ACYP2: variants seen among roughly 807,000 people sequenced by gnomAD.
The protein encoded by ACYP2 is acylphosphatase-2.
In ACYP2, 12 loss-of-function variants were observed where a neutral mutation model predicts 11.2. That is an observed-to-expected ratio of 1.08 (90% CI 0.69 to 1.74). The LOEUF is 1.74. ACYP2 is among the 40% of genes most tolerant of loss of function. The pLI is 0.00. For missense variants in ACYP2, 134 were observed against 101.9 expected (o/e 1.31, Z -1.35); for synonymous variants, 43 against 32.2 (o/e 1.33, Z -1.13).
At chr2:54,129,372 A>G (rs1276717272) in intron 4 of ACYP2, among the ~76,000 whole-genome samples, 5 of 152,124 alleles carry the variant, frequency 3.3e-5, no homozygotes, top group Admixed American at 6.6e-5. Context: ...GGCTCAATCA[A>G]TCCTCCTGCC....
chr2:54,248,226 C>A (rs1461724718), intron 6 of ACYP2, among the ~76,000 whole-genome samples: 1 of 152,182 alleles, frequency 6.6e-6, no homozygotes, highest in African/African-American at 2.4e-5. Flanking sequence ...ATTATTTGGG[C>A]AACCATGTCC....
intron 6 of ACYP2, chr2:54,143,197 T>A (rs1681697897): frequency 6.6e-6 from 1 of 152,232 alleles, no homozygotes; most frequent in South Asian, 2.1e-4. Context: ...CAGGCATGCC[T>A]GTTTGGTTTC....
At chr2:54,188,330 A>G (rs1022711443) in intron 6 of ACYP2, among the ~76,000 whole-genome samples, 1 of 152,202 alleles carries the variant, frequency 6.6e-6, no homozygotes, top group African/African-American at 2.4e-5. Context: ...GGATACATAC[A>G]CAGAAACTCA....
chr2:54,045,355 C>G (rs1675458449), intron 2 of ACYP2, among the ~76,000 whole-genome samples: 1 of 152,230 alleles, frequency 6.6e-6, no homozygotes, highest in Admixed American at 6.5e-5. Flanking sequence ...AATTCTTTCT[C>G]TGCTGCAAAC....
chr2:54,201,680 T>TTCTTTCTTTCTTTCTTTCTTTCTGTC (rs1395606887), intron 6 of ACYP2, among the ~76,000 whole-genome samples: 1 of 107,294 alleles, frequency 9.3e-6, no homozygotes, highest in African/African-American at 3.7e-5. Context: ...CTTTCTTTCT[T>TTCTTTCTTTCTTTCTTTCTTTCTGTC]TCTCTCTCTC....
intron 5 of ACYP2, among the ~76,000 whole-genome samples, chr2:54,137,902 G>C (rs994156651): frequency 6.6e-6 from 1 of 152,170 alleles, no homozygotes; most frequent in African/African-American, 2.4e-5. Flanking sequence ...CCCACCAACA[G>C]TTTGTAAGCA....
At chr2:54,046,546 G>T (rs1675535707) in intron 2 of ACYP2, among the ~76,000 whole-genome samples, 1 of 150,596 alleles carries the variant, frequency 6.6e-6, no homozygotes. Context: ...GGCTGAATCT[G>T]TATCTCTCAT....
At chr2:53,972,155 A>G (rs1308906056) in intron 1 of ACYP2, among the ~76,000 whole-genome samples, 2 of 151,284 alleles carry the variant, frequency 1.3e-5, no homozygotes, top group African/African-American at 4.9e-5. Flanking sequence ...TAAAAATACA[A>G]AAAAGTTAGC....
In ACYP2 at chr2:54,146,599, A is replaced by T. The variant is rs572840851; in HGVS notation, c.404+7851A>T. 4.0e-5 allele frequency among the ~76,000 whole-genome samples: 6 copies of T among 150,936 alleles called. No homozygotes were observed. The East Asian group carries it at 9.9e-4, about 25-fold the overall frequency. On this transcript the variant is annotated intron_variant, in intron 6 of 6. Coordinates refer to ENST00000607452, the MANE Select transcript of ACYP2 (RefSeq NM_001320586.2). ...CCCTGATTTTAAACTTTTCTCACCT[A>T]GTTTCCATTTGTTATTATGTGGGAA...
intron 6 of ACYP2, among the ~76,000 whole-genome samples, chr2:54,164,687 G>GT (rs897481732): frequency 3.9e-5 from 6 of 152,088 alleles, no homozygotes; most frequent in Admixed American, 6.6e-5. Flanking sequence ...GGCAAACAGC[G>GT]TTTTTTTGTT....
chr2:54,250,414 C>T (rs1195519178), intron 6 of ACYP2, among the ~76,000 whole-genome samples: 2 of 139,412 alleles, frequency 1.4e-5, no homozygotes, highest in Non-Finnish European at 3.0e-5. Flanking sequence ...GTAGAGGTTG[C>T]AGTGAGCCGA....
chr2:54,100,966 A>T (rs1024765801), intron 4 of ACYP2, among the ~76,000 whole-genome samples: 1 of 152,218 alleles, frequency 6.6e-6, no homozygotes, highest in Non-Finnish European at 1.5e-5. Flanking sequence ...TACTTGGGCT[A>T]AGCCTTCTTG....
At chr2:54,138,814 A>T in intron 6 of ACYP2, 66 bp downstream of exon 3, 1 of 1,350,552 alleles carries the variant, frequency 7.4e-7, no homozygotes, top group Non-Finnish European at 1.0e-6. Flanking sequence ...GTTTTTTAAG[A>T]CATGGTCTTG....
At chr2:54,133,134 C>G (rs72800759) in intron 4 of ACYP2, among the ~76,000 whole-genome samples, 14,269 of 152,260 alleles carry the variant, frequency 0.094, 819 homozygotes, top group Non-Finnish European at 0.13. Flanking sequence ...TCTTCACCCC[C>G]CATTGTAGCA....
In ACYP2 at chr2:54,184,145, G is replaced by A. The variant is rs551378103; in HGVS notation, c.404+45397G>A. On this transcript the variant is annotated intron_variant, in intron 6 of 6. Transcript: ENST00000607452. ...CATTCCTACTTAGATCCTCCCAGTA[G>A]TTGGAAGCAGGGTCTGTCTCCAAGG... Among the ~76,000 whole-genome samples the A allele has an allele frequency of 2.4e-4, 36 of 152,274 alleles. No individual in the cohort carries two copies. The South Asian group carries it at 4.8e-3, about 20-fold the overall frequency.
At chr2:54,044,458 AAG>A (rs1675409539) in intron 2 of ACYP2, among the ~76,000 whole-genome samples, 2 of 151,898 alleles carry the variant, frequency 1.3e-5, no homozygotes, top group Admixed American at 1.3e-4. Context: ...AAAAAAAAAA[AAG>A]CCAAGTGTGG....
intron 4 of ACYP2, chr2:54,065,344 A>C (rs75716967): frequency 0.013 from 5,249 of 395,392 alleles, 242 homozygotes; most frequent in African/African-American, 0.099. Context: ...TTAAATCCTG[A>C]TTGCTATCGA....
intron 2 of ACYP2, among the ~76,000 whole-genome samples, chr2:54,009,403 C>CACAA (rs776772113): frequency 2.0e-5 from 3 of 151,550 alleles, no homozygotes; most frequent in Non-Finnish European, 2.9e-5. Flanking sequence ...TACTTAAAAA[C>CACAA]ACAAACAAAC....
intron 6 of ACYP2, among the ~76,000 whole-genome samples, chr2:54,277,365 CTTT>C (rs1688643040): frequency 1.3e-5 from 2 of 152,210 alleles, no homozygotes; most frequent in Admixed American, 1.3e-4. Flanking sequence ...CACACAAATC[CTTT>C]AATATGCCTA....
Sources: gnomAD v4.1 joint callset for allele counts (sites outside exome capture counted in the v4.1 genomes callset) on GRCh38, gnomAD v4.1.1 for gene constraint, MANE v1.5 for transcripts, NCBI Gene and HGNC (gene_info 2026-07-23, HGNC 2026-07-21) for gene names.